CDH12: variants seen among roughly 807,000 people sequenced by gnomAD.
CDH12 encodes cadherin 12.
CDH12 carries 41 observed loss-of-function variants against 74.1 expected under a neutral mutation model. That is an observed-to-expected ratio of 0.55 (90% CI 0.43 to 0.72). The LOEUF is 0.72. Among genes scored for constraint, CDH12 ranks in the 30% least tolerant of loss-of-function variants. The probability of loss-of-function intolerance (pLI) is 0.00; values close to 1 mark genes in which losing one functional copy is unlikely to be tolerated. For synonymous variants in CDH12, 399 were observed against 355.0 expected (o/e 1.12, Z -1.39); for missense variants, 945 against 977.2 (o/e 0.97, Z 0.44).
chr5:21,902,955 A>C (rs940126960), intron 6 of CDH12, among the ~76,000 whole-genome samples: 1 of 152,140 alleles, frequency 6.6e-6, no homozygotes, highest in South Asian at 2.1e-4. Flanking sequence ...CTGCGCATTC[A>C]AATTATTATG....
At chr5:22,603,248 AT>A (rs1399623503) in intron 1 of CDH12, among the ~76,000 whole-genome samples, 3 of 152,226 alleles carry the variant, frequency 2.0e-5, no homozygotes, top group Non-Finnish European at 2.9e-5. Context: ...TTGAAAAAAA[AT>A]AAAAATAAAT....
At chr5:21,878,102 C>T (rs1350760882) in intron 6 of CDH12, among the ~76,000 whole-genome samples, 1 of 152,164 alleles carries the variant, frequency 6.6e-6, no homozygotes, top group East Asian at 1.9e-4. Context: ...AATAACTGTA[C>T]ACATTATATT....
intron 7 of CDH12, among the ~76,000 whole-genome samples, chr5:21,854,227 C>T (rs551883056): frequency 1.1e-4 from 16 of 151,724 alleles, no homozygotes; most frequent in African/African-American, 3.6e-4. Context: ...CCACTATAAG[C>T]ATAAGTCTCT....
At chr5:22,678,696 T>C (rs1357554425) in intron 1 of CDH12, among the ~76,000 whole-genome samples, 1 of 152,190 alleles carries the variant, frequency 6.6e-6, no homozygotes, top group Non-Finnish European at 1.5e-5. Context: ...TGAACTTCTT[T>C]AGTACTAGAT....
intron 9 of CDH12, among the ~76,000 whole-genome samples, chr5:21,810,131 G>T (rs1747668376): frequency 1.3e-5 from 2 of 152,030 alleles, no homozygotes; most frequent in African/African-American, 2.4e-5. Context: ...GTGTGTGTGT[G>T]CAGAAGTTAG....
chr5:21,911,630 C>A (rs1411138885), intron 6 of CDH12, among the ~76,000 whole-genome samples: 1 of 151,882 alleles, frequency 6.6e-6, no homozygotes, highest in Non-Finnish European at 1.5e-5. Flanking sequence ...AATATATGAA[C>A]TAAGGATGCA....
intron 1 of CDH12, among the ~76,000 whole-genome samples, chr5:22,565,630 T>C (rs1739248515): frequency 1.3e-5 from 2 of 152,112 alleles, no homozygotes; most frequent in Admixed American, 6.5e-5. Context: ...AGAGCCCTTA[T>C]TGTGTGCAAA....
At chr5:21,820,812 T>C (rs1748325688) in intron 8 of CDH12, among the ~76,000 whole-genome samples, 1 of 152,024 alleles carries the variant, frequency 6.6e-6, no homozygotes, top group Non-Finnish European at 1.5e-5. Flanking sequence ...GGATTGTTCA[T>C]GATGTACTGT....
chr5:22,537,670 C>A (rs1415619420), intron 1 of CDH12, among the ~76,000 whole-genome samples: 1 of 152,146 alleles, frequency 6.6e-6, no homozygotes, highest in African/African-American at 2.4e-5. Flanking sequence ...TCTCCCCTCA[C>A]AGAAACACTC....
chr5:22,109,414 C>T (rs1321697420), intron 4 of CDH12, among the ~76,000 whole-genome samples: 6 of 152,190 alleles, frequency 3.9e-5, no homozygotes, highest in Admixed American at 3.3e-4. Context: ...GCAGGTATCA[C>T]TTGGTCTTTT....
At chr5:22,044,623 T>C (rs1739805255) in intron 5 of CDH12, among the ~76,000 whole-genome samples, 1 of 152,134 alleles carries the variant, frequency 6.6e-6, no homozygotes, top group South Asian at 2.1e-4. Context: ...CCAAAGTATA[T>C]CAGAGAAGAA....
intron 5 of CDH12, among the ~76,000 whole-genome samples, chr5:21,977,218 T>C (rs1757106399): frequency 6.6e-6 from 1 of 152,056 alleles, no homozygotes; most frequent in Non-Finnish European, 1.5e-5. Context: ...TTTACTTAAG[T>C]ATAAAGAAAA....
intron 1 of CDH12, among the ~76,000 whole-genome samples, chr5:22,574,047 A>G (rs1007118441): frequency 6.9e-6 from 1 of 144,482 alleles, no homozygotes; most frequent in Non-Finnish European, 1.5e-5. Flanking sequence ...AGTCTTTTTC[A>G]TGGATACTTT....
intron 1 of CDH12, among the ~76,000 whole-genome samples, chr5:22,785,189 C>A (rs894744840): frequency 1.3e-5 from 2 of 152,078 alleles, no homozygotes; most frequent in Admixed American, 6.6e-5. Flanking sequence ...GATCAAGTAA[C>A]CTTTTTTCTT....
In CDH12 at chr5:21,882,512, T is replaced by C. The variant is rs951263646; in HGVS notation, c.527-27722A>G. 10 of 810,770 alleles carry C rather than the reference T, an allele frequency of 1.2e-5. No individual in the cohort carries two copies. In the African/African-American group the frequency reaches 1.5e-4, roughly 12 times the overall value. 50.2% of individuals were successfully genotyped at this position (810,770 alleles called of 1,614,324 possible). ...ATTTATTTGCTTTTTAAAAGTGATA[T>C]ATTAGCACTCTGTCCCTCACTCGCC... On this transcript the variant is annotated intron_variant, in intron 6 of 14. Coordinates refer to ENST00000382254, the MANE Select transcript of CDH12 (RefSeq NM_004061.5).
Position 21,917,895 on chromosome 5 carries a change from A to C in CDH12, c.526+57196T>G, listed in dbSNP as rs560686820. Among the ~76,000 whole-genome samples the C allele has an allele frequency of 1.3e-5, 2 of 152,222 alleles. 1 individual carries two copies. The highest frequency in any genetic ancestry group is 4.1e-4 in the South Asian group (2 of 4,836). ...TTCAAATTCATTTGAACACTGCTTTACTGCATATAAATGTATGCATCTTTG... is the reference window on the plus strand; with the variant it reads ...TTCAAATTCATTTGAACACTGCTTTCCTGCATATAAATGTATGCATCTTTG... On this transcript the variant is annotated intron_variant, in intron 6 of 14. Coordinates refer to ENST00000382254, the MANE Select transcript of CDH12 (RefSeq NM_004061.5).
intron 3 of CDH12, among the ~76,000 whole-genome samples, chr5:22,314,841 T>C (rs1040999452): frequency 6.6e-6 from 1 of 151,434 alleles, no homozygotes; most frequent in Non-Finnish European, 1.5e-5. Context: ...TTAGAATAGG[T>C]TATTATTTTT....
chr5:22,081,324 C>T (rs980599939), intron 4 of CDH12, among the ~76,000 whole-genome samples: 26 of 152,032 alleles, frequency 1.7e-4, no homozygotes, highest in African/African-American at 3.9e-4. Flanking sequence ...ATTTCAATAA[C>T]GTGTAAGCAT....
chr5:22,419,849 G>A (rs549994654), intron 2 of CDH12, among the ~76,000 whole-genome samples: 2 of 152,284 alleles, frequency 1.3e-5, no homozygotes, highest in Admixed American at 1.3e-4. Flanking sequence ...CATTCTGTCT[G>A]GCATGAGATG....
Sources: allele counts gnomAD v4.1 joint callset (sites outside exome capture counted in the v4.1 genomes callset), GRCh38; gene constraint gnomAD v4.1.1; transcripts MANE v1.5; gene names NCBI Gene and HGNC (gene_info 2026-07-23, HGNC 2026-07-21).